Variants in ADGRL4 observed in about 807,000 individuals in gnomAD.
The protein encoded by ADGRL4 is EGF, latrophilin and seven transmembrane domain containing 1.
In ADGRL4, 90 loss-of-function variants were observed where a neutral mutation model predicts 74.8. The ratio of observed to expected loss-of-function variants is 1.20; its 90% CI spans 1.02 to 1.43. The LOEUF is 1.43. Among genes scored for constraint, ADGRL4 ranks in the 40% most tolerant of loss-of-function variants. The pLI, the probability that ADGRL4 is intolerant of heterozygous loss-of-function variation, is 0.00. For synonymous variants in ADGRL4, 311 were observed against 279.2 expected (o/e 1.11, Z -1.14); for missense variants, 881 against 814.3 (o/e 1.08, Z -1.00).
At chr1:78,998,362 C>CTTTTT (rs71078519) in intron 2 of ADGRL4, among the ~76,000 whole-genome samples, 2 of 65,048 alleles carry the variant, frequency 3.1e-5, no homozygotes, top group African/African-American at 1.2e-4. Flanking sequence ...TCCACTGATT[C>CTTTTT]TTTTTTTTTT....
rs184527601 is a variant in ADGRL4, at chr1:78,926,926, T to G, written c.1043A>C (p.Tyr348Ser). The change falls in exon 8 of 15, where the codon TAT (tyrosine) becomes TCT (serine). Residue 348 changes from tyrosine to serine, a missense_variant. Transcript: ENST00000370742. ...TGTAAATGTTATTTTTTCAAGTTCA[T>G]ATAATGTGGGTGGGTTTGAGCTCAT... is the stretch of plus-strand genomic sequence containing the variant. Reference protein sequence around the residue: ...VSMSSNPPTLYELEKITFTLS... With the variant: ...VSMSSNPPTLSELEKITFTLS... 3.3e-5 allele frequency: 53 copies of G among 1,612,172 alleles called. No individual in the cohort carries two copies. In the Admixed American group the frequency reaches 8.4e-4, roughly 25 times the overall value.
At chr1:78,967,991 G>A (rs1570261302) in intron 2 of ADGRL4, among the ~76,000 whole-genome samples, 1 of 152,102 alleles carries the variant, frequency 6.6e-6, no homozygotes, top group African/African-American at 2.4e-5. Flanking sequence ...GGTGCTTGGA[G>A]TGTCCAGAAG....
intron 2 of ADGRL4, among the ~76,000 whole-genome samples, chr1:78,996,263 A>T (rs558150750): frequency 6.6e-6 from 1 of 152,300 alleles, no homozygotes; most frequent in Admixed American, 6.5e-5. Context: ...CCTTTTGAAA[A>T]GTACTTTCTC....
At chr1:78,944,895 G>T (rs542157612) in intron 3 of ADGRL4, among the ~76,000 whole-genome samples, 1 of 152,128 alleles carries the variant, frequency 6.6e-6, no homozygotes, top group South Asian at 2.1e-4. Context: ...TTTGAACATT[G>T]TGTCATAGCT....
At chr1:78,945,524 T>C (rs976921925) in intron 3 of ADGRL4, among the ~76,000 whole-genome samples, 1 of 152,144 alleles carries the variant, frequency 6.6e-6, no homozygotes, top group Non-Finnish European at 1.5e-5. Context: ...CTGAAAATTA[T>C]TCATCTGTTG....
intron 2 of ADGRL4, among the ~76,000 whole-genome samples, chr1:78,971,368 A>G (rs1214109633): frequency 6.6e-6 from 1 of 152,100 alleles, no homozygotes; most frequent in Admixed American, 6.6e-5. Flanking sequence ...ATGTTGGTAG[A>G]GAGGGGAATG....
intron 2 of ADGRL4, among the ~76,000 whole-genome samples, chr1:78,991,661 A>G (rs1363175197): frequency 6.6e-6 from 1 of 152,008 alleles, no homozygotes; most frequent in African/African-American, 2.4e-5. Context: ...TATATTTAAT[A>G]TGTGAGAAAT....
intron 2 of ADGRL4, among the ~76,000 whole-genome samples, chr1:78,997,384 T>C (rs1650739233): frequency 6.6e-6 from 1 of 152,100 alleles, no homozygotes; most frequent in African/African-American, 2.4e-5. Context: ...CTTATGGTGG[T>C]TTTTAGGCAC....
chr1:78,958,220 T>G (rs1285307495), intron 2 of ADGRL4, among the ~76,000 whole-genome samples: 1 of 152,168 alleles, frequency 6.6e-6, no homozygotes, highest in African/African-American at 2.4e-5. Flanking sequence ...TTTTCATGCC[T>G]GCAAATAACA....
Position 78,917,882 on chromosome 1 carries a change from C to T in ADGRL4, c.1630G>A (p.Val544Ile). The change falls in exon 11 of 15, where the codon GTA becomes ATA. Residue 544 changes from valine to isoleucine, a missense_variant. Coordinates refer to ENST00000370742, the MANE Select transcript of ADGRL4 (RefSeq NM_022159.4). ...YIFGYLSPAV[V>I]VGFSAALGYR... ...CCTAGTGCTGCCGAAAATCCAACTA[C>T]CACGGCTGGGCTTAGATAGCCAAAG... 6.2e-7 allele frequency: 1 copy of T among 1,612,672 alleles called. No homozygotes were observed. Among genetic ancestry groups the T allele is most frequent in the Non-Finnish European group, 8.5e-7 (1 of 1,179,132 alleles).
intron 2 of ADGRL4, among the ~76,000 whole-genome samples, chr1:78,986,852 A>T (rs1650508595): frequency 6.6e-6 from 1 of 151,838 alleles, no homozygotes; most frequent in Admixed American, 6.6e-5. Context: ...GATCAAAAAT[A>T]GTAAAAATGT....
chr1:78,955,203 C>T (rs1649804488), intron 2 of ADGRL4, among the ~76,000 whole-genome samples: 1 of 151,982 alleles, frequency 6.6e-6, no homozygotes, highest in Admixed American at 6.6e-5. Context: ...GTACAGAACC[C>T]TCTTGTATAT....
chr1:79,005,524 GTT>G (rs1173806132), intron 1 of ADGRL4, among the ~76,000 whole-genome samples: 2 of 152,188 alleles, frequency 1.3e-5, no homozygotes, highest in African/African-American at 4.8e-5. Context: ...AGTATAGCAT[GTT>G]GATTAAGTGT....
chr1:78,962,147 A>G (rs1302073260), intron 2 of ADGRL4, among the ~76,000 whole-genome samples: 2 of 151,994 alleles, frequency 1.3e-5, no homozygotes, highest in Non-Finnish European at 2.9e-5. Flanking sequence ...TCCCAAAGTA[A>G]TGGGATTACA....
chr1:78,973,543 T>TA (rs1650214680), intron 2 of ADGRL4, among the ~76,000 whole-genome samples: 4 of 150,954 alleles, frequency 2.6e-5, no homozygotes, highest in Admixed American at 2.0e-4. Context: ...TCCTAAGTGA[T>TA]ATACGATGTA....
intron 4 of ADGRL4, among the ~76,000 whole-genome samples, chr1:78,938,502 G>GAAAT (rs1649407042): frequency 2.7e-5 from 4 of 148,078 alleles, no homozygotes; most frequent in Non-Finnish European, 6.0e-5. Flanking sequence ...CTTTAGAAAA[G>GAAAT]AAATAGAGCA....
chr1:79,006,606 C>A, intron 1 of ADGRL4, 27 bp downstream of exon 1: 1 of 1,534,856 alleles, frequency 6.5e-7, no homozygotes, highest in Non-Finnish European at 8.8e-7. Context: ...CCGACGACCT[C>A]GGCGACCAGG....
chr1:79,003,625 C>A (rs932900212), intron 2 of ADGRL4, among the ~76,000 whole-genome samples: 1 of 151,692 alleles, frequency 6.6e-6, no homozygotes, highest in African/African-American at 2.4e-5. Context: ...TCATTAGAAA[C>A]GTGATTATAA....
At chr1:78,901,316 C>T (rs1024475251) in intron 12 of ADGRL4, among the ~76,000 whole-genome samples, 2 of 152,170 alleles carry the variant, frequency 1.3e-5, no homozygotes, top group African/African-American at 4.8e-5. Context: ...GGATGTCACC[C>T]TCTTCACACA....
Sources: gnomAD v4.1 joint callset for allele counts (sites outside exome capture counted in the v4.1 genomes callset) on GRCh38, gnomAD v4.1.1 for gene constraint, MANE v1.5 for transcripts, NCBI Gene and HGNC (gene_info 2026-07-23, HGNC 2026-07-21) for gene names.